The following YAF2 variants were observed in gnomAD, a reference collection of about 807,000 sequenced individuals.
The protein encoded by YAF2 is YY1 associated factor 2.
Under a neutral mutation model 20.1 loss-of-function variants are expected in YAF2, and 7 were observed. The observed-to-expected ratio is 0.35, with a 90% CI of 0.20 to 0.65. The LOEUF (loss-of-function observed/expected upper bound fraction) is 0.65. YAF2 is among the 30% of genes least tolerant of loss of function. YAF2 has a pLI of 0.69. For synonymous variants in YAF2, 74 were observed against 76.0 expected, an observed-to-expected ratio of 0.97 and a Z score of 0.14; for missense variants, 151 against 219.2, an observed-to-expected ratio of 0.69 and a Z score of 1.96.
chr12:42,235,788 T>C (rs1250757441), intron 2 of YAF2: 2 of 1,535,734 alleles, frequency 1.3e-6, no homozygotes, highest in South Asian at 1.2e-5. Flanking sequence ...GGGGCCCCCA[T>C]GTGGGCCTCA....
rs147398134 is a variant in YAF2 at position 42,171,269 on chromosome 12, G to T, written c.153-9504C>A. ...GCCTCCCAGAATGCTGGGATTACAGGTGTGAGCCACCACACCCAGCCAGAA... is the reference window on the plus strand; with the variant it reads ...GCCTCCCAGAATGCTGGGATTACAGTTGTGAGCCACCACACCCAGCCAGAA... On this transcript the variant is annotated intron_variant, in intron 2 of 3. Coordinates refer to ENST00000534854, the MANE Select transcript of YAF2 (RefSeq NM_005748.6). 6.6e-3 allele frequency among the ~76,000 whole-genome samples: 1,005 copies of T among 152,272 alleles called. 12 individuals are homozygous for T. The highest frequency in any genetic ancestry group is 0.023 in the African/African-American group (937 of 41,552).
intron 2 of YAF2, chr12:42,210,778 C>T (rs897899261): frequency 1.6e-4 from 173 of 1,069,054 alleles, no homozygotes; most frequent in South Asian, 1.3e-4. Flanking sequence ...TATATATACA[C>T]GTATCAAAGT....
rs1239961431 is a variant in YAF2, at chr12:42,158,118, G to T, written c.*2471C>A. 6.6e-6 allele frequency: 1 copy of T among 152,188 alleles called. No homozygotes were observed. Among genetic ancestry groups the T allele is most frequent in the African/African-American group, 2.4e-5 (1 of 41,454 alleles). 9.4% of individuals were successfully genotyped at this position (152,188 alleles called of 1,614,324 possible). On this transcript the variant is annotated 3_prime_UTR_variant, in exon 4 of 4. Coordinates refer to ENST00000534854, the MANE Select transcript of YAF2 (RefSeq NM_005748.6). ...CGTCAGTTCTGTTTATGGAATTTGGGTCTGTTTTCCTGGTGTGGAAGTGTA... is the reference window on the plus strand; with the variant it reads ...CGTCAGTTCTGTTTATGGAATTTGGTTCTGTTTTCCTGGTGTGGAAGTGTA...
At chr12:42,234,167 T>C in intron 2 of YAF2, 1 of 967,004 alleles carries the variant, frequency 1.0e-6, no homozygotes, top group Non-Finnish European at 1.2e-6. Flanking sequence ...CAAGACTGTC[T>C]CAAATTCTGC....
At chr12:42,226,588 T>G (rs1207647127) in intron 2 of YAF2, among the ~76,000 whole-genome samples, 2 of 152,002 alleles carry the variant, frequency 1.3e-5, no homozygotes, top group Non-Finnish European at 2.9e-5. Flanking sequence ...CACTTCAACC[T>G]GGGAGGTTGA....
chr12:42,190,294 T>C (rs2066580989), intron 2 of YAF2, among the ~76,000 whole-genome samples: 1 of 152,104 alleles, frequency 6.6e-6, no homozygotes, highest in South Asian at 2.1e-4. Flanking sequence ...CAGTGAGCTG[T>C]GACAGCACCA....
chr12:42,180,104 T>C (rs959093263), intron 2 of YAF2, among the ~76,000 whole-genome samples: 1 of 152,200 alleles, frequency 6.6e-6, no homozygotes, highest in Non-Finnish European at 1.5e-5. Flanking sequence ...GGCAGCCTTC[T>C]AAAATGGCCA....
At chr12:42,237,386 A>G in intron 2 of YAF2, 1 of 1,260,298 alleles carries the variant, frequency 7.9e-7, no homozygotes, top group Non-Finnish European at 1.0e-6. Context: ...CTCTCTTGGC[A>G]GCAAAAAACG....
chr12:42,161,036 A>G (rs1257577616), intron 3 of YAF2: 2 of 510,304 alleles, frequency 3.9e-6, no homozygotes, highest in Middle Eastern at 5.0e-4. Flanking sequence ...AATGCAACCA[A>G]AAAACTGTGA....
At chr12:42,196,032 G>C (rs569822474) in intron 2 of YAF2, among the ~76,000 whole-genome samples, 17 of 151,936 alleles carry the variant, frequency 1.1e-4, no homozygotes, top group African/African-American at 3.9e-4. Flanking sequence ...GACCAGCCTG[G>C]CCAACATGGT....
intron 2 of YAF2, among the ~76,000 whole-genome samples, chr12:42,163,606 T>C (rs1351021401): frequency 6.6e-6 from 1 of 152,204 alleles, no homozygotes; most frequent in Non-Finnish European, 1.5e-5. Flanking sequence ...AACTATTCCA[T>C]TTTTATTCTT....
intron 2 of YAF2, chr12:42,235,358 G>T: frequency 9.8e-7 from 1 of 1,015,432 alleles, no homozygotes. Flanking sequence ...CTTTAATCTT[G>T]TTTTTTTAAC....
rs1485899407 is a variant in YAF2 at position 42,233,360 on chromosome 12, A to G, written c.152+4239T>C. The G allele has an allele frequency of 3.0e-6, 3 of 985,100 alleles. No homozygotes were observed. The African/African-American group carries it at 5.2e-5, about 17-fold the overall frequency. The allele number at this position is 985,100 out of a possible 1,614,324, so 61.0% of individuals were successfully genotyped here. A position where few individuals can be genotyped will look rare whatever the true frequency, so the allele number is the denominator to read the frequency against. The stretch of plus-strand genomic sequence containing the variant: ...ATAATTCTATCATTTTCATTTCTAA[A>G]TATTTGCTATCTGAATTAAGCAATA... On this transcript the variant is annotated intron_variant, in intron 2 of 3. Coordinates refer to ENST00000534854, the MANE Select transcript of YAF2 (RefSeq NM_005748.6).
chr12:42,188,320 A>G (rs948885857), intron 2 of YAF2, among the ~76,000 whole-genome samples: 2 of 151,628 alleles, frequency 1.3e-5, no homozygotes, highest in African/African-American at 4.8e-5. Context: ...GGTTTCTAAG[A>G]TCATTTAATT....
chr12:42,205,868 G>T, intron 2 of YAF2: 2 of 410,906 alleles, frequency 4.9e-6, no homozygotes, highest in Non-Finnish European at 4.9e-6. Context: ...CTCAAATTTT[G>T]ATACAACACT....
At chr12:42,178,159 T>A (rs2066245951) in intron 2 of YAF2, among the ~76,000 whole-genome samples, 1 of 152,214 alleles carries the variant, frequency 6.6e-6, no homozygotes, top group Non-Finnish European at 1.5e-5. Context: ...TTAATGTTTT[T>A]AATGAATGAA....
Position 42,227,054 on chromosome 12 carries a change from G to A in YAF2, c.152+10545C>T, listed in dbSNP as rs1196648241. Among the ~76,000 whole-genome samples the A allele has an allele frequency of 5.4e-4, 79 of 145,918 alleles. No homozygotes were observed. The South Asian group carries it at 0.015, about 28-fold the overall frequency. On this transcript the variant is annotated intron_variant, in intron 2 of 3. Transcript: ENST00000534854. ...ATGAAGCGGAGCCGCTGCCGCGACC[G>A]ACCGCAGCCGCCGCCGCCCGACCGC...
chr12:42,223,158 T>C (rs911170754), intron 2 of YAF2, among the ~76,000 whole-genome samples: 3 of 152,148 alleles, frequency 2.0e-5, no homozygotes, highest in Non-Finnish European at 4.4e-5. Flanking sequence ...CCCGAGTTGT[T>C]TGAAAGAGGT....
intron 2 of YAF2, chr12:42,205,971 C>T: frequency 2.8e-6 from 1 of 357,444 alleles, no homozygotes; most frequent in Non-Finnish European, 5.6e-6. Flanking sequence ...TGCTTCTCCA[C>T]TCCTCTGTGT....
Sources: gnomAD v4.1 joint callset for allele counts (sites outside exome capture counted in the v4.1 genomes callset) on GRCh38, gnomAD v4.1.1 for gene constraint, MANE v1.5 for transcripts, NCBI Gene and HGNC (gene_info 2026-07-23, HGNC 2026-07-21) for gene names.